Variants in TSACC observed in about 807,000 individuals in gnomAD.
TSACC encodes TSSK6-activating co-chaperone protein.
A neutral mutation model predicts 6.9 loss-of-function variants in TSACC; 3 were observed. The ratio of observed to expected loss-of-function variants is 0.43; its 90% CI spans 0.20 to 1.12. The LOEUF (loss-of-function observed/expected upper bound fraction) is 1.12, where lower values mean the gene tolerates loss of function less well. Among genes scored for constraint, TSACC ranks in the 50% most tolerant of loss-of-function variants. TSACC has a pLI of 0.28. For missense variants in TSACC, 137 were observed against 143.9 expected (o/e 0.95, Z 0.24); for synonymous variants, 54 against 55.1 (o/e 0.98, Z 0.09).
chr1:156,346,947 C>G lies in TSACC; in HGVS notation c.343C>G (p.Pro115Ala). 1.9e-6 allele frequency: 3 copies of G among 1,614,158 alleles called. No individual in the cohort carries two copies. The highest frequency in any genetic ancestry group is 2.5e-6 in the Non-Finnish European group (3 of 1,180,018). The change falls in exon 4 of 4, where the codon CCA (proline) becomes GCA (alanine). Residue 115 changes from proline (P) to alanine (A), a missense_variant. Pro to Ala is a conservative substitution (Grantham distance 27). Transcript: ENST00000368254. ...NSSLPALSPN[P>A]LLNHLPQFSK ...TTCTCTCCCAGCCTTATCTCCTAAT[C>G]CATTGTTAAATCACCTGCCCCAATT...
intron 3 of TSACC, among the ~76,000 whole-genome samples, chr1:156,345,083 ATCAT>A (rs1666094146): frequency 6.6e-6 from 1 of 152,206 alleles, no homozygotes; most frequent in African/African-American, 2.4e-5. Context: ...TTGAATTTTC[ATCAT>A]TCATCTTCCC....
chr1:156,340,945 T>G (rs1428381213), intron 2 of TSACC, among the ~76,000 whole-genome samples: 2 of 152,164 alleles, frequency 1.3e-5, no homozygotes, highest in African/African-American at 2.4e-5. Flanking sequence ...TTCTTGTGCC[T>G]CAGCCACCCA....
chr1:156,346,339 G>A (rs1666176472), intron 3 of TSACC, among the ~76,000 whole-genome samples: 1 of 152,136 alleles, frequency 6.6e-6, no homozygotes, highest in Admixed American at 6.5e-5. Context: ...CTCTAGGGAA[G>A]GTAGGCCTCC....
chr1:156,338,029 A>T, upstream of TSACC: 1 of 1,081,404 alleles, frequency 9.2e-7, no homozygotes, highest in Non-Finnish European at 1.4e-6. Flanking sequence ...GGGCTTCCAA[A>T]ATGAAGACGA....
chr1:156,338,483 C>G (rs568497253), upstream of TSACC: 8 of 526,734 alleles, frequency 1.5e-5, no homozygotes, highest in South Asian at 2.0e-4. Flanking sequence ...CCGCTCCCGG[C>G]CGCGTGCAGC....
At chr1:156,346,193 CA>C (rs60688957) in intron 3 of TSACC, among the ~76,000 whole-genome samples, 139 of 53,622 alleles carry the variant, frequency 2.6e-3, no homozygotes, top group Non-Finnish European at 3.3e-3. Flanking sequence ...ACTCCGTCTC[CA>C]AAAAAAAAAA....
chr1:156,338,242 AG>A (rs1665546575), upstream of TSACC: 8 of 815,232 alleles, frequency 9.8e-6, no homozygotes, highest in Non-Finnish European at 1.4e-5. Flanking sequence ...AACCTTCTGG[AG>A]AGAGAGAACC....
chr1:156,339,057 A>C (rs1665648442), intron 1 of TSACC: 1 of 152,184 alleles, frequency 6.6e-6, no homozygotes, highest in Non-Finnish European at 1.5e-5. Context: ...TGAGGTCAGG[A>C]GTTCGAGACC....
At chr1:156,344,752 A>G in intron 3 of TSACC, 44 bp downstream of exon 3, 1 of 1,599,062 alleles carries the variant, frequency 6.3e-7, no homozygotes, top group Non-Finnish European at 8.5e-7. Flanking sequence ...AACAGGGGGA[A>G]GGGTTGCATG....
intron 3 of TSACC, among the ~76,000 whole-genome samples, chr1:156,345,477 T>A (rs1666116562): frequency 6.6e-6 from 1 of 151,654 alleles, no homozygotes; most frequent in Non-Finnish European, 1.5e-5. Context: ...GCAGGAGAAT[T>A]GCTTGAACCT....
chr1:156,341,983 AC>A (rs1236234299), intron 2 of TSACC, among the ~76,000 whole-genome samples: 1 of 150,834 alleles, frequency 6.6e-6, no homozygotes, highest in African/African-American at 2.4e-5. Flanking sequence ...AATGGCATGA[AC>A]CTGGGAGGCG....
upstream of TSACC, chr1:156,338,050 G>A (rs746645321): frequency 6.7e-5 from 84 of 1,252,080 alleles, no homozygotes; most frequent in Non-Finnish European, 9.6e-5. Flanking sequence ...TGATTGGAAG[G>A]CTCAGTGGCC....
At chr1:156,338,164 C>T, upstream of TSACC, 6 of 1,588,932 alleles carry the variant, frequency 3.8e-6, no homozygotes, top group Non-Finnish European at 5.1e-6. Context: ...TGAGCACGAG[C>T]ACTGGACGAT....
chr1:156,338,213 G>A (rs894460650), upstream of TSACC: 14 of 1,579,010 alleles, frequency 8.9e-6, no homozygotes, highest in East Asian at 6.8e-5. Context: ...CGGGTACCCA[G>A]AGCTGGGGGA....
intron 2 of TSACC, among the ~76,000 whole-genome samples, chr1:156,341,676 GTC>G (rs1199330763): frequency 6.6e-6 from 1 of 152,160 alleles, no homozygotes; most frequent in African/African-American, 2.4e-5. Context: ...GTGTAAAGCA[GTC>G]TCTTTCTTTA....
intron 2 of TSACC, among the ~76,000 whole-genome samples, 173 bp from the exon 3 acceptor site, chr1:156,344,407 C>T (rs776124584): frequency 9.9e-5 from 15 of 152,170 alleles, no homozygotes; most frequent in Non-Finnish European, 1.9e-4. Flanking sequence ...CCCACTCCTG[C>T]TTGGTTTCTC....
intron 2 of TSACC, among the ~76,000 whole-genome samples, chr1:156,340,502 C>G (rs1665815458): frequency 7.9e-6 from 1 of 126,492 alleles, no homozygotes; most frequent in Non-Finnish European, 1.6e-5. Flanking sequence ...GCTCTTGTTG[C>G]CTAGGCTGGA....
chr1:156,344,039 C>T (rs1666035008), intron 2 of TSACC, among the ~76,000 whole-genome samples: 1 of 152,074 alleles, frequency 6.6e-6, no homozygotes, highest in Non-Finnish European at 1.5e-5. Context: ...CGTGCCCAGC[C>T]GCTTCTCAAG....
chr1:156,339,661 A>T lies in TSACC; in HGVS notation c.-97A>T. 6.6e-7 allele frequency: 1 copy of T among 1,514,798 alleles called. No individual in the cohort carries two copies. Among genetic ancestry groups the T allele is most frequent in the African/African-American group, 1.4e-5 (1 of 73,244 alleles). The allele number at this position is 1,514,798 out of a possible 1,614,324, so 93.8% of individuals were successfully genotyped here. A position where few individuals can be genotyped will look rare whatever the true frequency, so the allele number is the denominator to read the frequency against. ...TGGAACAGGCTGAGATCTGCTGGAG[A>T]CAACTTAGGAAATTATCATAGTGAA... On this transcript the variant is annotated 5_prime_UTR_variant, in exon 2 of 4. Transcript: ENST00000368254.
Sources: allele counts gnomAD v4.1 joint callset (sites outside exome capture counted in the v4.1 genomes callset), GRCh38; gene constraint gnomAD v4.1.1; transcripts MANE v1.5; gene names NCBI Gene and HGNC (gene_info 2026-07-23, HGNC 2026-07-21).